SOHLH1: variants seen among roughly 807,000 people sequenced by gnomAD.
The protein encoded by SOHLH1 is spermatogenesis- and oogenesis-specific basic helix-loop-helix-containing protein 1.
Under a neutral mutation model 36.2 loss-of-function variants are expected in SOHLH1, and 23 were observed. The observed-to-expected ratio is 0.64, with a 90% CI of 0.46 to 0.90. SOHLH1 has a LOEUF of 0.90. Among genes scored for constraint, SOHLH1 ranks in the 40% least tolerant of loss-of-function variants. The probability of loss-of-function intolerance (pLI) is 0.00; values close to 1 mark genes in which losing one functional copy is unlikely to be tolerated. For missense variants in SOHLH1, 608 were observed against 517.0 expected (o/e 1.18, Z -1.71); for synonymous variants, 289 against 228.3 (o/e 1.27, Z -2.40).
rs1243079459 is a variant in SOHLH1, at chr9:135,694,369, A to T, written c.946+18T>A. 1 of 1,612,248 alleles carries T rather than the reference A, an allele frequency of 6.2e-7. No individual in the cohort carries two copies. The highest frequency in any genetic ancestry group is 1.7e-5 in the Admixed American group (1 of 59,982). On this transcript the variant is annotated intron_variant, in intron 7 of 7. Coordinates refer to ENST00000425225, the MANE Select transcript of SOHLH1 (RefSeq NM_001101677.2). ...GCTTACGCGGGGGGACCAGCCCTGAACCCAGGGCCCCACTCACCCGGCCAC... is the reference window on the plus strand; with the variant it reads ...GCTTACGCGGGGGGACCAGCCCTGATCCCAGGGCCCCACTCACCCGGCCAC...
At chr9:135,699,697 C>T (rs555578322), upstream of SOHLH1, among the ~76,000 whole-genome samples, 98 of 152,252 alleles carry the variant, frequency 6.4e-4, no homozygotes, top group African/African-American at 2.1e-3. Context: ...CTCGGGGGGT[C>T]CACCCACTCT....
intron 3 of SOHLH1, among the ~76,000 whole-genome samples, chr9:135,698,112 G>A (rs1320700433): frequency 1.3e-5 from 2 of 152,170 alleles, no homozygotes; most frequent in African/African-American, 2.4e-5. Context: ...CAGGAGGGCT[G>A]GAAAGGAAGG....
chr9:135,697,529 C>A lies in SOHLH1; in HGVS notation c.444G>T (p.Gly148=). The change falls in exon 4 of 8, where the codon GGG becomes GGT. Residue 148 remains glycine, a synonymous_variant. Coordinates refer to ENST00000425225, the MANE Select transcript of SOHLH1 (RefSeq NM_001101677.2). The stretch of plus-strand genomic sequence containing the variant: ...ACCGAGTCCCGCTGGACGCTCCCGT[C>A]CCAGGGTCTGGCACACCTGCTTGAA... ...SQIQAGVPDP[G]TGASSGTRTP... 1.2e-6 allele frequency: 2 copies of A among 1,612,270 alleles called. No homozygotes were observed. The highest frequency in any genetic ancestry group is 2.2e-5 in the South Asian group (2 of 91,034).
intron 1 of SOHLH1, 74 bp from the exon 2 acceptor site, chr9:135,699,200 G>A: frequency 6.5e-7 from 1 of 1,545,346 alleles, no homozygotes; most frequent in Non-Finnish European, 8.7e-7. Flanking sequence ...ATGCCAGAAT[G>A]GGCGTCTTTG....
intron 3 of SOHLH1, 71 bp from the exon 4 acceptor site, chr9:135,697,698 G>A: frequency 1.9e-6 from 3 of 1,556,740 alleles, no homozygotes; most frequent in South Asian, 1.1e-5. Flanking sequence ...ACGGTGACAA[G>A]ACTGCTACCC....
At position 135,698,248 on chromosome 9, in the gene SOHLH1, G is replaced by A. The variant is rs750506429; in HGVS notation, c.345+81C>T. On this transcript the variant is annotated intron_variant, in intron 3 of 7. Coordinates refer to ENST00000425225, the MANE Select transcript of SOHLH1 (RefSeq NM_001101677.2). The stretch of plus-strand genomic sequence containing the variant: ...GGGCTGAAGGAGACGGGGATGACAG[G>A]GGACACACTGCCTGCAAGGTGGTGA... 6 of 1,589,140 alleles carry A rather than the reference G, an allele frequency of 3.8e-6. No individual in the cohort carries two copies. In the African/African-American group the frequency reaches 5.4e-5, roughly 14 times the overall value.
rs1418837327 is a variant in SOHLH1 at position 135,696,680 on chromosome 9, A to T, written c.593T>A (p.Leu198Gln). Residue 198 changes from leucine to glutamine, a missense_variant, in exon 5 of 8, where the codon CTG becomes CAG. Coordinates refer to ENST00000425225, the MANE Select transcript of SOHLH1 (RefSeq NM_001101677.2). The stretch of plus-strand genomic sequence containing the variant: ...CAGTGCCTCACACTTGTCCGTGCCC[A>T]GGGACGTGCAGCTCGCGGGGTCCCA... ...RQWDPASCTS[L>Q]GTDKCEALLG... 2 of 1,612,840 alleles carry T rather than the reference A, an allele frequency of 1.2e-6. No individual in the cohort carries two copies. The highest frequency in any genetic ancestry group is 2.7e-5 in the African/African-American group (2 of 74,940).
At chr9:135,695,285 G>C (rs956301078) in intron 5 of SOHLH1, 22 bp from the exon 6 acceptor site, 1 of 1,572,848 alleles carries the variant, frequency 6.4e-7, no homozygotes, top group Non-Finnish European at 8.6e-7. Context: ...GTCAGATGCG[G>C]GTCAGCCTTC....
upstream of SOHLH1, among the ~76,000 whole-genome samples, chr9:135,700,754 G>A (rs1175343571): frequency 6.6e-6 from 1 of 152,190 alleles, no homozygotes; most frequent in African/African-American, 2.4e-5. Flanking sequence ...AGCCTTGGCT[G>A]CAGGTCAGAC....
chr9:135,694,523 T>C, intron 6 of SOHLH1, 66 bp from the exon 7 acceptor site: 13 of 1,589,652 alleles, frequency 8.2e-6, no homozygotes, highest in South Asian at 1.1e-5. Flanking sequence ...CAAGGAAACA[T>C]TTGGGCCCAA....
At position 135,693,470 on chromosome 9, in the gene SOHLH1, G is replaced by A. The variant is rs1386054150; in HGVS notation, c.*127C>T. On this transcript the variant is annotated 3_prime_UTR_variant, in exon 8 of 8. Transcript: ENST00000425225. ...ATTCACTATCCTCTTCTCACAGCCT[G>A]TAAGCCTCGCTCAAATTAGGGTGCA... 7.7e-7 allele frequency: 1 copy of A among 1,306,050 alleles called. No homozygotes were observed. The highest frequency in any genetic ancestry group is 1.0e-6 in the Non-Finnish European group (1 of 968,814). 80.9% of individuals were successfully genotyped at this position (1,306,050 alleles called of 1,614,324 possible).
chr9:135,699,394 A>T lies in SOHLH1; in HGVS notation c.65+9T>A, dbSNP rs770716115. 6 of 1,610,580 alleles carry T rather than the reference A, an allele frequency of 3.7e-6. No homozygotes were observed. Among genetic ancestry groups the T allele is most frequent in the Non-Finnish European group, 4.2e-6 (5 of 1,179,200 alleles). ...CCCCAACCCCTTGGCCGCCAGCCCAATTCCTCACTTGCATCCCCTGACGGT... is the reference window on the plus strand; with the variant it reads ...CCCCAACCCCTTGGCCGCCAGCCCATTTCCTCACTTGCATCCCCTGACGGT... On this transcript the variant is annotated intron_variant, in intron 1 of 7. Transcript: ENST00000425225.
chr9:135,699,050 C>CCACGG lies in SOHLH1; in HGVS notation c.141_142insCCGTG (p.Ala48ProfsTer14). 1.2e-6 allele frequency: 2 copies of CCACGG among 1,611,376 alleles called. No homozygotes were observed. Among genetic ancestry groups the CCACGG allele is most frequent in the Non-Finnish European group, 1.7e-6 (2 of 1,179,694 alleles). On this transcript the variant is annotated frameshift_variant, in exon 2 of 8. Transcript: ENST00000425225. LOFTEE classifies it high-confidence loss of function. ...CGAAGGCAGGAGCTGGGACCCTCGG[C>CCACGG]CACCGTAGGGGCCTTGGGCGGGCCC...
Position 135,699,134 on chromosome 9 carries a change from G to A in SOHLH1, c.66-8C>T, listed in dbSNP as rs771128926. On this transcript the variant is annotated splice_polypyrimidine_tract_variant and splice_region_variant and intron_variant, in intron 1 of 7. Transcript: ENST00000425225. ...GCACCAGACAGGGAGCCGCTGCCGA[G>A]AAAGCCAAGAGCACCGGGCCCTGAG... 1.9e-5 allele frequency: 30 copies of A among 1,592,218 alleles called. No homozygotes were observed. The highest frequency in any genetic ancestry group is 4.6e-5 in the East Asian group (2 of 43,334).
At chr9:135,694,171 G>A (rs1047773255) in intron 7 of SOHLH1, 1 of 1,437,442 alleles carries the variant, frequency 7.0e-7, no homozygotes, top group African/African-American at 1.4e-5. Flanking sequence ...TCTCATGCAG[G>A]CTCGTCCACA....
chr9:135,701,689 C>G (rs1230553015), upstream of SOHLH1, among the ~76,000 whole-genome samples: 1 of 152,214 alleles, frequency 6.6e-6, no homozygotes, highest in Non-Finnish European at 1.5e-5. Flanking sequence ...TGGCGCCCAC[C>G]CACAGATGCC....
intron 6 of SOHLH1, among the ~76,000 whole-genome samples, chr9:135,694,792 T>C (rs1027375094): frequency 2.0e-5 from 3 of 151,966 alleles, no homozygotes; most frequent in East Asian, 3.9e-4. Flanking sequence ...AAACTCATTT[T>C]ACTATCAGCC....
chr9:135,698,813 G>A (rs1201735476), intron 2 of SOHLH1, among the ~76,000 whole-genome samples, 182 bp downstream of exon 2: 1 of 152,210 alleles, frequency 6.6e-6, no homozygotes, highest in Non-Finnish European at 1.5e-5. Flanking sequence ...ATAAAGAGGG[G>A]CTGCAGGATG....
intron 6 of SOHLH1, among the ~76,000 whole-genome samples, chr9:135,694,697 C>G (rs2131286093): frequency 6.6e-6 from 1 of 152,300 alleles, no homozygotes; most frequent in South Asian, 2.1e-4. Context: ...CGGTTTCTCT[C>G]CAGCCACAGT....
Sources: gnomAD v4.1 joint callset for allele counts (sites outside exome capture counted in the v4.1 genomes callset) on GRCh38, gnomAD v4.1.1 for gene constraint, MANE v1.5 for transcripts, NCBI Gene and HGNC (gene_info 2026-07-23, HGNC 2026-07-21) for gene names.